Variants in ELMO1 observed in about 807,000 individuals in gnomAD.
The protein encoded by ELMO1 is engulfment and cell motility 1, also known as engulfment and cell motility protein 1.
A neutral mutation model predicts 98.9 loss-of-function variants in ELMO1; 26 were observed. The observed-to-expected ratio is 0.26, with a 90% confidence interval of 0.19 to 0.36. The LOEUF (loss-of-function observed/expected upper bound fraction) is 0.36. Ranked by LOEUF, ELMO1 falls within the 10% of genes least tolerant of loss-of-function variation. The probability of loss-of-function intolerance (pLI) is 1.00; values close to 1 mark genes in which losing one functional copy is unlikely to be tolerated. For missense variants in ELMO1, 627 were observed against 935.2 expected (o/e 0.67, Z 4.30); for synonymous variants, 346 against 346.0 (o/e 1.00, Z 0.00).
chr7:37,125,831 T>C (rs968289577), intron 14 of ELMO1, among the ~76,000 whole-genome samples: 1 of 152,192 alleles, frequency 6.6e-6, no homozygotes, highest in African/African-American at 2.4e-5. Context: ...CATGCTGCTA[T>C]AAAGACACAT....
intron 1 of ELMO1, among the ~76,000 whole-genome samples, chr7:37,383,478 T>G (rs1802660541): frequency 6.6e-6 from 1 of 152,230 alleles, no homozygotes; most frequent in African/African-American, 2.4e-5. Flanking sequence ...TGGTTAAAAT[T>G]GTTATCTTCC....
chr7:37,204,445 A>T (rs2130349891), intron 13 of ELMO1: 2 of 344,328 alleles, frequency 5.8e-6, no homozygotes, highest in East Asian at 7.9e-5. Context: ...GGTCTCGGTG[A>T]CTTCAGGAAT....
At chr7:37,330,937 G>A (rs919416920) in intron 2 of ELMO1, among the ~76,000 whole-genome samples, 5 of 152,126 alleles carry the variant, frequency 3.3e-5, no homozygotes, top group Non-Finnish European at 5.9e-5. Context: ...TAACGGAAAT[G>A]GCTACTAAGT....
chr7:37,440,107 G>A (rs1307529866), intron 1 of ELMO1, among the ~76,000 whole-genome samples: 2 of 152,012 alleles, frequency 1.3e-5, no homozygotes, highest in Non-Finnish European at 2.9e-5. Flanking sequence ...TCACTTCCCA[G>A]AGTGGCCCAC....
intron 1 of ELMO1, among the ~76,000 whole-genome samples, chr7:37,383,578 A>G (rs1412852235): frequency 1.3e-5 from 2 of 152,238 alleles, no homozygotes; most frequent in African/African-American, 4.8e-5. Context: ...GCACACTTAT[A>G]TAAGTGTCTA....
chr7:37,101,237 G>C (rs1239523893), intron 14 of ELMO1, among the ~76,000 whole-genome samples: 1 of 152,302 alleles, frequency 6.6e-6, no homozygotes, highest in African/African-American at 2.4e-5. Flanking sequence ...CTTACACCAA[G>C]AATGCAAGAT....
chr7:37,064,331 G>T (rs35823459), intron 15 of ELMO1, among the ~76,000 whole-genome samples: 36,262 of 152,100 alleles, frequency 0.24, 5,226 homozygotes, highest in African/African-American at 0.41. Context: ...ATGGAGCTTG[G>T]GTCCCAGGGA....
At chr7:36,957,180 C>A (rs1326596488) in intron 16 of ELMO1, among the ~76,000 whole-genome samples, 1 of 152,192 alleles carries the variant, frequency 6.6e-6, no homozygotes, top group African/African-American at 2.4e-5. Context: ...CAGGCAAAGA[C>A]CCCAGTCGCT....
intron 16 of ELMO1, among the ~76,000 whole-genome samples, chr7:36,963,650 CAT>C (rs1228531460): frequency 6.6e-6 from 1 of 152,108 alleles, no homozygotes; most frequent in Non-Finnish European, 1.5e-5. Flanking sequence ...CTATATAAAA[CAT>C]ATGTCTTAAT....
chr7:37,302,384 G>C (rs879771393), intron 4 of ELMO1, among the ~76,000 whole-genome samples: 15 of 152,056 alleles, frequency 9.9e-5, no homozygotes, highest in Non-Finnish European at 2.1e-4. Context: ...CTAAGGCTAG[G>C]TCATAACGAG....
intron 2 of ELMO1, among the ~76,000 whole-genome samples, chr7:37,339,758 T>C: frequency 6.6e-6 from 1 of 152,086 alleles, no homozygotes; most frequent in East Asian, 1.9e-4. Context: ...GGTTTCCATA[T>C]GTGATTAATA....
chr7:37,225,246 A>G (rs1793801230), intron 8 of ELMO1, among the ~76,000 whole-genome samples: 3 of 152,226 alleles, frequency 2.0e-5, no homozygotes, highest in African/African-American at 7.2e-5. Context: ...TAATTCACTG[A>G]TAAGCAAATG....
intron 16 of ELMO1, among the ~76,000 whole-genome samples, chr7:36,946,075 C>T (rs947051534): frequency 5.9e-5 from 9 of 152,244 alleles, no homozygotes; most frequent in African/African-American, 2.2e-4. Flanking sequence ...GAGCTGGGAA[C>T]AGGAACAGCA....
chr7:36,889,882 C>A (rs1805402779), intron 17 of ELMO1, among the ~76,000 whole-genome samples: 1 of 152,152 alleles, frequency 6.6e-6, no homozygotes, highest in African/African-American at 2.4e-5. Context: ...AATGAGACAG[C>A]TCTTTCTTTC....
rs74733102 is a variant in ELMO1, at chr7:37,222,276, G to A, written c.780+339C>T. On this transcript the variant is annotated intron_variant, in intron 10 of 21. Coordinates refer to ENST00000310758, the MANE Select transcript of ELMO1 (RefSeq NM_014800.11). ...GCATCCCATGAAATGACAGAAGGTC[G>A]CAGGGGCTCCTAACTCTGCTTCCAC... is the stretch of plus-strand genomic sequence containing the variant. 1.2e-3 allele frequency among the ~76,000 whole-genome samples: 183 copies of A among 152,274 alleles called. 3 individuals are homozygous for A. The highest frequency in any genetic ancestry group is 3.9e-3 in the African/African-American group (162 of 41,544).
intron 1 of ELMO1, among the ~76,000 whole-genome samples, chr7:37,368,388 T>C (rs1395824887): frequency 1.3e-5 from 2 of 152,258 alleles, no homozygotes; most frequent in Non-Finnish European, 2.9e-5. Context: ...AACAAGAAGA[T>C]AGTGTTGGAG....
intron 13 of ELMO1, among the ~76,000 whole-genome samples, chr7:37,165,214 T>G (rs1472633046): frequency 2.6e-5 from 4 of 152,246 alleles, no homozygotes; most frequent in Non-Finnish European, 5.9e-5. Context: ...TGAAGTTGCT[T>G]ATCAGCTTAA....
intron 16 of ELMO1, among the ~76,000 whole-genome samples, chr7:36,989,643 CTT>C (rs1791742569): frequency 6.6e-6 from 1 of 152,194 alleles, no homozygotes; most frequent in African/African-American, 2.4e-5. Context: ...GTAAGATCAT[CTT>C]TCTTTTGAAT....
rs182651195 is a variant in ELMO1 at position 37,055,275 on chromosome 7, G to A, written c.1300+41344C>T. Among the ~76,000 whole-genome samples the A allele has an allele frequency of 1.7e-3, 260 of 152,298 alleles. 5 individuals carry two copies. The highest frequency in any genetic ancestry group is 5.9e-3 in the African/African-American group (247 of 41,572). ...ACAGAATATACAGTGAAGAACATAC[G>A]CTTTAAAGATTTGGGTGAATGCCAT... On this transcript the variant is annotated intron_variant, in intron 15 of 21. Coordinates refer to ENST00000310758, the MANE Select transcript of ELMO1 (RefSeq NM_014800.11).
Sources: allele counts gnomAD v4.1 joint callset (sites outside exome capture counted in the v4.1 genomes callset), GRCh38; gene constraint gnomAD v4.1.1; transcripts MANE v1.5; gene names NCBI Gene and HGNC (gene_info 2026-07-23, HGNC 2026-07-21).